RIMS2: variants seen among roughly 807,000 people sequenced by gnomAD.
RIMS2 encodes regulating synaptic membrane exocytosis 2.
RIMS2 carries 59 observed loss-of-function variants against 174.4 expected under a neutral mutation model. That is an observed-to-expected ratio of 0.34 (90% confidence interval 0.27 to 0.42). The LOEUF (loss-of-function observed/expected upper bound fraction) is 0.42, where lower values mean the gene tolerates loss of function less well. Ranked by LOEUF, RIMS2 falls within the 10% of genes least tolerant of loss-of-function variation. The probability of loss-of-function intolerance (pLI) is 1.00; values close to 1 mark genes in which losing one functional copy is unlikely to be tolerated. For synonymous variants in RIMS2, 606 were observed against 572.5 expected (o/e 1.06, Z -0.84); for missense variants, 1,620 against 1,666.3 (o/e 0.97, Z 0.48).
chr8:103,501,572 G>A (rs1445629263), intron 1 of RIMS2: 2 of 152,850 alleles, frequency 1.3e-5, no homozygotes, highest in Admixed American at 1.3e-4. Context: ...GACAGAGCAG[G>A]GCTGCCCACA....
chr8:103,733,403 C>T (rs1466162070), intron 2 of RIMS2, among the ~76,000 whole-genome samples: 2 of 151,870 alleles, frequency 1.3e-5, no homozygotes, highest in Non-Finnish European at 2.9e-5. Context: ...GGTGCAAGCA[C>T]TCCCCTTGCC....
At chr8:103,912,194 A>AT (rs773396627) in intron 6 of RIMS2, 22 bp downstream of exon 9, 2 of 1,593,070 alleles carry the variant, frequency 1.3e-6, no homozygotes, top group Non-Finnish European at 1.7e-6. Flanking sequence ...AAAGTATGAG[A>AT]TTTTGGCTCT....
chr8:103,506,075 T>A (rs1428133889), intron 1 of RIMS2, among the ~76,000 whole-genome samples: 1 of 152,124 alleles, frequency 6.6e-6, no homozygotes, highest in Non-Finnish European at 1.5e-5. Flanking sequence ...ACCAATTGAA[T>A]CATGAATACT....
chr8:103,521,621 CA>C (rs1462737808), intron 1 of RIMS2, among the ~76,000 whole-genome samples: 1 of 151,976 alleles, frequency 6.6e-6, no homozygotes, highest in Non-Finnish European at 1.5e-5. Flanking sequence ...GCAATTAAAA[CA>C]AAAATAGTCA....
At chr8:104,039,545 A>G (rs1197970538) in intron 19 of RIMS2, among the ~76,000 whole-genome samples, 2 of 151,892 alleles carry the variant, frequency 1.3e-5, no homozygotes, top group Non-Finnish European at 3.0e-5. Context: ...TAGTTTTTAT[A>G]CTTTCTGCAA....
rs181209893 is a variant in RIMS2 at position 103,971,099 on chromosome 8, C to T, written c.2771-4251C>T. On this transcript the variant is annotated intron_variant, in intron 15 of 23. Coordinates refer to ENST00000504942, the Ensembl canonical transcript of RIMS2. ...TTTAACCTATTGATGCACTTCACAA[C>T]TTGAATAAATAGACTATATATAGAT... 8.5e-5 allele frequency among the ~76,000 whole-genome samples: 13 copies of T among 152,196 alleles called. No homozygotes were observed. The East Asian group carries it at 2.3e-3, about 27-fold the overall frequency.
At chr8:104,003,417 C>CTTTT (rs56779976) in intron 17 of RIMS2, among the ~76,000 whole-genome samples, 1 of 142,236 alleles carries the variant, frequency 7.0e-6, no homozygotes, top group Non-Finnish European at 1.5e-5. Context: ...TGTGAAGAAT[C>CTTTT]TTTTTTTTTT....
intron 1 of RIMS2, among the ~76,000 whole-genome samples, chr8:103,535,005 T>C (rs939696157): frequency 6.6e-6 from 1 of 152,234 alleles, no homozygotes; most frequent in Admixed American, 6.5e-5. Flanking sequence ...GAGAAATTTA[T>C]TTCTCTTTAG....
Position 103,769,500 on chromosome 8 carries a change from A to G in RIMS2, c.698+2963A>G, listed in dbSNP as rs867601123. On this transcript the variant is annotated intron_variant, in intron 3 of 23. Coordinates refer to ENST00000504942, the Ensembl canonical transcript of RIMS2. ...CACCATGCCTGGCTAATTTTTTTGT[A>G]TTTTTAGTAGAGACAGGGTCTCACC... Among the ~76,000 whole-genome samples, 19 of 152,066 alleles carry G rather than the reference A, an allele frequency of 1.2e-4. No individual in the cohort carries two copies. In the Middle Eastern group the frequency reaches 0.02, roughly 163 times the overall value.
intron 3 of RIMS2, among the ~76,000 whole-genome samples, chr8:103,778,053 A>G (rs908817245): frequency 6.6e-5 from 10 of 152,082 alleles, no homozygotes; most frequent in African/African-American, 2.4e-4. Flanking sequence ...ATTTTTAAAA[A>G]GTTTGTTACT....
chr8:103,693,114 G>A (rs2097052933), intron 1 of RIMS2, among the ~76,000 whole-genome samples: 1 of 152,150 alleles, frequency 6.6e-6, no homozygotes, highest in Non-Finnish European at 1.5e-5. Flanking sequence ...CTCCCTCTAT[G>A]AGGGGTGGCT....
chr8:104,157,226 A>G (rs1040479084), intron 19 of RIMS2, among the ~76,000 whole-genome samples: 1 of 152,218 alleles, frequency 6.6e-6, no homozygotes, highest in African/African-American at 2.4e-5. Flanking sequence ...TGTTAACATT[A>G]TCATAAATTG....
rs897132694 is a variant in RIMS2, at chr8:103,716,989, C to T, written c.387+19693C>T. On this transcript the variant is annotated intron_variant, in intron 2 of 23. Transcript: ENST00000504942. ...TTGGATCTGCCATGGAGACTGATGA[C>T]TCCCTGCAAATATAGATAAAAATCA... Among the ~76,000 whole-genome samples, 37 of 152,066 alleles carry T rather than the reference C, an allele frequency of 2.4e-4. 1 individual carries two copies. The highest frequency in any genetic ancestry group is 2.2e-3 in the Admixed American group (34 of 15,262).
intron 1 of RIMS2, among the ~76,000 whole-genome samples, chr8:103,599,684 C>A (rs1243169731): frequency 6.6e-6 from 1 of 151,832 alleles, no homozygotes; most frequent in East Asian, 1.9e-4. Context: ...CTTCTAGGCT[C>A]AAGTGATCCT....
At chr8:103,708,021 T>C (rs2097255025) in intron 2 of RIMS2, among the ~76,000 whole-genome samples, 1 of 152,226 alleles carries the variant, frequency 6.6e-6, no homozygotes, top group Admixed American at 6.5e-5. Context: ...AAAAGGAATC[T>C]CTGCACTGTA....
intron 3 of RIMS2, among the ~76,000 whole-genome samples, chr8:103,875,098 A>G (rs1222066587): frequency 1.3e-5 from 2 of 152,068 alleles, no homozygotes; most frequent in African/African-American, 4.8e-5. Context: ...TCAAGAGCAG[A>G]ATTATTAAAA....
chr8:103,774,920 A>C (rs1182949107), intron 3 of RIMS2, among the ~76,000 whole-genome samples: 1 of 152,106 alleles, frequency 6.6e-6, no homozygotes, highest in Non-Finnish European at 1.5e-5. Flanking sequence ...ATTAAAGGAG[A>C]ATTATGTGCA....
At chr8:103,836,342 G>A (rs1469187921) in intron 3 of RIMS2, among the ~76,000 whole-genome samples, 2 of 152,232 alleles carry the variant, frequency 1.3e-5, no homozygotes, top group African/African-American at 2.4e-5. Context: ...TTGAGGCTAG[G>A]AGTTTGAGAC....
At chr8:103,761,839 C>T (rs757076938) in intron 2 of RIMS2, among the ~76,000 whole-genome samples, 1 of 152,050 alleles carries the variant, frequency 6.6e-6, no homozygotes, top group Non-Finnish European at 1.5e-5. Context: ...TAGTGAATTC[C>T]TTTTTCTGTG....
Sources: allele counts gnomAD v4.1 joint callset (sites outside exome capture counted in the v4.1 genomes callset), GRCh38; gene constraint gnomAD v4.1.1; transcripts MANE v1.5; gene names NCBI Gene and HGNC (gene_info 2026-07-23, HGNC 2026-07-21).